DLGAP4: variants seen among roughly 807,000 people sequenced by gnomAD.
DLGAP4 encodes the protein DLG associated protein 4, also known as disks large-associated protein 4.
A neutral mutation model predicts 86.9 loss-of-function variants in DLGAP4; 18 were observed. The ratio of observed to expected loss-of-function variants is 0.21; its 90% CI spans 0.14 to 0.31. DLGAP4 has a LOEUF of 0.31. DLGAP4 is among the 10% of genes least tolerant of loss of function. The pLI, the probability that DLGAP4 is intolerant of heterozygous loss-of-function variation, is 1.00. For missense variants in DLGAP4, 1,085 were observed against 1,362.6 expected (o/e 0.80, Z 3.21); for synonymous variants, 548 against 574.3 (o/e 0.95, Z 0.65).
intron 1 of DLGAP4, among the ~76,000 whole-genome samples, chr20:36,362,331 GGAA>G (rs1359383065): frequency 6.6e-6 from 1 of 152,184 alleles, no homozygotes; most frequent in Non-Finnish European, 1.5e-5. Context: ...AAGAGGAGAA[GGAA>G]GAAGAATAGA....
intron 10 of DLGAP4, among the ~76,000 whole-genome samples, chr20:36,517,611 T>C (rs543608942): frequency 1.6e-4 from 24 of 152,156 alleles, no homozygotes; most frequent in African/African-American, 5.1e-4. Flanking sequence ...GTTACTGATT[T>C]TTTTTTTTTA....
intron 2 of DLGAP4, among the ~76,000 whole-genome samples, chr20:36,374,172 A>G (rs2031059176): frequency 6.6e-6 from 1 of 152,204 alleles, no homozygotes; most frequent in Non-Finnish European, 1.5e-5. Context: ...CTAGGGAGAC[A>G]TCAACCCTCT....
chr20:36,490,157 C>T (rs1263739897), intron 7 of DLGAP4, among the ~76,000 whole-genome samples: 1 of 152,126 alleles, frequency 6.6e-6, no homozygotes, highest in Non-Finnish European at 1.5e-5. Context: ...CGCGCCCGGC[C>T]AGTGTTGCTA....
chr20:36,372,047 G>T (rs1299347243), intron 2 of DLGAP4, among the ~76,000 whole-genome samples: 3 of 152,182 alleles, frequency 2.0e-5, no homozygotes, highest in Non-Finnish European at 2.9e-5. Context: ...GCAGATCTGG[G>T]TCATCCCTTT....
At chr20:36,354,702 G>C (rs1555893702) in intron 1 of DLGAP4, among the ~76,000 whole-genome samples, 2 of 152,192 alleles carry the variant, frequency 1.3e-5, no homozygotes, top group African/African-American at 4.8e-5. Context: ...TGAGGCAGGA[G>C]AGTCACTTGA....
intron 7 of DLGAP4, among the ~76,000 whole-genome samples, chr20:36,447,508 C>T: frequency 6.6e-6 from 1 of 152,170 alleles, no homozygotes. Context: ...GCAACCTCTG[C>T]CTCCCAGGTT....
chr20:36,352,416 T>C (rs78621525), intron 1 of DLGAP4, among the ~76,000 whole-genome samples: 42 of 131,188 alleles, frequency 3.2e-4, no homozygotes, highest in East Asian at 1.4e-3. Context: ...GGCCTCTAAT[T>C]TGGGGGAGAG....
chr20:36,316,779 A>G (rs1298112467), intron 1 of DLGAP4, among the ~76,000 whole-genome samples: 7 of 151,882 alleles, frequency 4.6e-5, no homozygotes, highest in Non-Finnish European at 1.0e-4. Flanking sequence ...CTTGGACAGC[A>G]GCCCAGGCCA....
Position 36,317,740 on chromosome 20 carries a change from G to A in DLGAP4, c.-304+11228G>A, listed in dbSNP as rs1483184190. On this transcript the variant is annotated intron_variant, in intron 1 of 12. Transcript: ENST00000339266. Reference sequence around the variant, plus strand: ...CCAGTTGCTGGTTTTGTGGGCGTGAGCCACCGAGCCCAGCACTCTTGTGAG... The same window carrying A: ...CCAGTTGCTGGTTTTGTGGGCGTGAACCACCGAGCCCAGCACTCTTGTGAG... Among the ~76,000 whole-genome samples the A allele has an allele frequency of 2.0e-5, 3 of 150,994 alleles. No individual in the cohort carries two copies. The East Asian group carries it at 5.9e-4, about 30-fold the overall frequency.
chr20:36,392,543 G>A (rs1353602879), intron 2 of DLGAP4, among the ~76,000 whole-genome samples: 1 of 118,146 alleles, frequency 8.5e-6, no homozygotes, highest in Non-Finnish European at 1.9e-5. Flanking sequence ...GCTAATTTTT[G>A]TATTTTTAGA....
chr20:36,495,513 G>A (rs188187754), intron 7 of DLGAP4, among the ~76,000 whole-genome samples: 294 of 152,340 alleles, frequency 1.9e-3, no homozygotes, highest in Admixed American at 4.4e-3. Context: ...TAGATCCAAC[G>A]TCACCCTCCC....
intron 1 of DLGAP4, among the ~76,000 whole-genome samples, chr20:36,337,591 C>G (rs1455023530): frequency 6.6e-6 from 1 of 152,126 alleles, no homozygotes; most frequent in Non-Finnish European, 1.5e-5. Context: ...ACACTGGCTG[C>G]TCCTCATGGG....
chr20:36,443,612 G>A (rs1290107003), intron 6 of DLGAP4, among the ~76,000 whole-genome samples: 2 of 152,034 alleles, frequency 1.3e-5, no homozygotes, highest in Admixed American at 6.6e-5. Flanking sequence ...TGGGCCAAGC[G>A]ACCTCTTCCT....
intron 1 of DLGAP4, among the ~76,000 whole-genome samples, chr20:36,325,257 G>A (rs967099767): frequency 6.6e-6 from 1 of 151,966 alleles, no homozygotes; most frequent in Non-Finnish European, 1.5e-5. Context: ...CCAAATATTT[G>A]AGGATTTTTC....
chr20:36,378,606 A>G (rs1002044197), intron 2 of DLGAP4, among the ~76,000 whole-genome samples: 3 of 151,852 alleles, frequency 2.0e-5, no homozygotes, highest in African/African-American at 7.3e-5. Context: ...CAGTCCCTCC[A>G]TACACACAGA....
chr20:36,436,486 C>A, intron 4 of DLGAP4, 136 bp downstream of exon 4: 1 of 1,368,704 alleles, frequency 7.3e-7, no homozygotes, highest in Non-Finnish European at 9.6e-7. Flanking sequence ...GAGCCACGCC[C>A]ACTCATGAGT....
rs557597343 is a variant in DLGAP4, at chr20:36,513,417, G to A, written c.2513-10833G>A. Among the ~76,000 whole-genome samples, 69 of 150,368 alleles carry A rather than the reference G, an allele frequency of 4.6e-4. 1 individual carries two copies. Among genetic ancestry groups the A allele is most frequent in the Admixed American group, 6.6e-4 (10 of 15,110 alleles). ...CAAAAAATTAGCCGGGCGCGGTGGC[G>A]GGCGCCTGTAGTCCCAGCTACTCGG... On this transcript the variant is annotated intron_variant, in intron 10 of 12. Coordinates refer to ENST00000339266, the MANE Select transcript of DLGAP4 (RefSeq NM_001365621.2).
chr20:36,381,492 T>C (rs1423288565), intron 2 of DLGAP4, among the ~76,000 whole-genome samples: 1 of 152,222 alleles, frequency 6.6e-6, no homozygotes, highest in Admixed American at 6.5e-5. Context: ...TTAGAGAAAG[T>C]GGGTGACACA....
intron 10 of DLGAP4, among the ~76,000 whole-genome samples, chr20:36,515,437 A>G (rs1468783329): frequency 6.6e-6 from 1 of 152,128 alleles, no homozygotes; most frequent in Admixed American, 6.6e-5. Flanking sequence ...GTCTCTTGTA[A>G]TCAGCATATA....
Sources: gnomAD v4.1 joint callset for allele counts (sites outside exome capture counted in the v4.1 genomes callset) on GRCh38, gnomAD v4.1.1 for gene constraint, MANE v1.5 for transcripts, NCBI Gene and HGNC (gene_info 2026-07-23, HGNC 2026-07-21) for gene names.